Variants in FOXP2 observed in about 807,000 individuals in gnomAD.
FOXP2 encodes the protein forkhead box protein P2.
A neutral mutation model predicts 115.8 loss-of-function variants in FOXP2; 12 were observed. The ratio of observed to expected loss-of-function variants is 0.10; its 90% confidence interval spans 0.07 to 0.17. The LOEUF is 0.17. Ranked by LOEUF, FOXP2 falls within the 10% of genes least tolerant of loss-of-function variation. The probability of loss-of-function intolerance (pLI) is 1.00; values close to 1 mark genes in which losing one functional copy is unlikely to be tolerated. For missense variants in FOXP2, 629 were observed against 843.5 expected (o/e 0.75, Z 3.15); for synonymous variants, 328 against 297.7 (o/e 1.10, Z -1.05).
chr7:114,429,626 T>C (rs1283777188), intron 2 of FOXP2, among the ~76,000 whole-genome samples: 1 of 151,560 alleles, frequency 6.6e-6, no homozygotes, highest in Non-Finnish European at 1.5e-5. Flanking sequence ...TTGATTGCTT[T>C]ACAGGGTGGA....
At chr7:114,666,921 T>C (rs1807192297) in intron 16 of FOXP2, 1 of 152,216 alleles carries the variant, frequency 6.6e-6, no homozygotes, top group Non-Finnish European at 1.5e-5. Context: ...TCCTTGTGTC[T>C]CTCATAGTGC....
At chr7:114,526,172 TAAAAAAAAA>T (rs3028251) in intron 2 of FOXP2, among the ~76,000 whole-genome samples, 2 of 79,730 alleles carry the variant, frequency 2.5e-5, no homozygotes, top group Non-Finnish European at 4.3e-5. Context: ...GTTTCTTTAT[TAAAAAAAAA>T]AAAAAAAAAA....
chr7:114,304,874 A>T (rs1193281627), intron 2 of FOXP2, among the ~76,000 whole-genome samples: 1 of 152,230 alleles, frequency 6.6e-6, no homozygotes, highest in Non-Finnish European at 1.5e-5. Context: ...AAAGGCATTT[A>T]AGAATAGAAT....
intron 2 of FOXP2, among the ~76,000 whole-genome samples, chr7:114,505,934 C>A (rs964595819): frequency 5.3e-5 from 8 of 151,566 alleles, no homozygotes; most frequent in Non-Finnish European, 1.2e-4. Flanking sequence ...CGTACTGTTT[C>A]TTGAACATGT....
chr7:114,329,511 C>T (rs1475470591), intron 2 of FOXP2, among the ~76,000 whole-genome samples: 1 of 137,764 alleles, frequency 7.3e-6, no homozygotes, highest in Non-Finnish European at 1.5e-5. Flanking sequence ...AAGAGTGAAA[C>T]TCCATCTCGG....
intron 1 of FOXP2, among the ~76,000 whole-genome samples, chr7:114,193,883 C>T (rs1446266413): frequency 6.6e-6 from 1 of 152,022 alleles, no homozygotes; most frequent in Non-Finnish European, 1.5e-5. Context: ...TAGCTAAGGA[C>T]ATCAAAAGTA....
At chr7:114,225,177 G>C (rs1320855548) in intron 1 of FOXP2, among the ~76,000 whole-genome samples, 1 of 152,004 alleles carries the variant, frequency 6.6e-6, no homozygotes, top group East Asian at 1.9e-4. Flanking sequence ...TGAGTATTAA[G>C]GGGTGGGGTA....
intron 1 of FOXP2, among the ~76,000 whole-genome samples, chr7:114,143,147 C>CT (rs1792267999): frequency 7.2e-6 from 1 of 139,552 alleles, no homozygotes. Flanking sequence ...GACCCTGTCT[C>CT]AATAATAATA....
intron 2 of FOXP2, among the ~76,000 whole-genome samples, chr7:114,509,864 C>T (rs942330961): frequency 4.7e-5 from 7 of 150,422 alleles, no homozygotes; most frequent in Admixed American, 1.3e-4. Flanking sequence ...TGAGTAAGAC[C>T]ACCTGGTGAA....
intron 1 of FOXP2, among the ~76,000 whole-genome samples, chr7:114,107,533 G>A (rs1404281261): frequency 6.6e-6 from 1 of 151,874 alleles, no homozygotes; most frequent in Non-Finnish European, 1.5e-5. Flanking sequence ...TCAGTACTAG[G>A]TTGGATAATT....
intron 3 of FOXP2, among the ~76,000 whole-genome samples, chr7:114,576,199 A>C (rs1801566668): frequency 6.6e-6 from 1 of 151,992 alleles, no homozygotes; most frequent in Non-Finnish European, 1.5e-5. Context: ...CATCTGAAAC[A>C]GAATACAGGT....
chr7:114,294,194 T>C (rs1796679266), intron 2 of FOXP2, among the ~76,000 whole-genome samples: 1 of 152,188 alleles, frequency 6.6e-6, no homozygotes, highest in Admixed American at 6.5e-5. Context: ...ATCTTGCCCA[T>C]TGATCATATC....
chr7:114,172,168 T>C (rs1434620484), intron 1 of FOXP2, among the ~76,000 whole-genome samples: 1 of 152,198 alleles, frequency 6.6e-6, no homozygotes, highest in East Asian at 1.9e-4. Context: ...TCTACTACAG[T>C]ATAATGTACC....
chr7:114,373,832 G>T (rs1792074093), intron 2 of FOXP2, among the ~76,000 whole-genome samples: 1 of 152,214 alleles, frequency 6.6e-6, no homozygotes, highest in African/African-American at 2.4e-5. Context: ...CAGCATTTGA[G>T]AAAACTGAAG....
intron 3 of FOXP2, among the ~76,000 whole-genome samples, chr7:114,538,807 TG>T (rs1799517256): frequency 6.6e-6 from 1 of 151,862 alleles, no homozygotes; most frequent in Admixed American, 6.6e-5. Flanking sequence ...GCTTGGTTTT[TG>T]TTACAAAACA....
chr7:114,510,439 TAAG>T (rs1335945448), intron 2 of FOXP2, among the ~76,000 whole-genome samples: 1 of 152,184 alleles, frequency 6.6e-6, no homozygotes, highest in African/African-American at 2.4e-5. Flanking sequence ...AAAAATAGGA[TAAG>T]AAGAAGAATA....
intron 3 of FOXP2, among the ~76,000 whole-genome samples, chr7:114,592,855 G>A (rs1320460199): frequency 6.6e-6 from 1 of 151,918 alleles, no homozygotes; most frequent in Non-Finnish European, 1.5e-5. Context: ...CAAATAATGA[G>A]TTAGCACTCT....
At chr7:114,288,990 G>A (rs546746720) in intron 2 of FOXP2, among the ~76,000 whole-genome samples, 43 of 151,776 alleles carry the variant, frequency 2.8e-4, no homozygotes, top group African/African-American at 1.0e-3. Flanking sequence ...TAGGCCTCAG[G>A]ATCTTCACTT....
chr7:114,252,070 T>G (rs1156935465), intron 1 of FOXP2, among the ~76,000 whole-genome samples: 1 of 152,214 alleles, frequency 6.6e-6, no homozygotes, highest in Non-Finnish European at 1.5e-5. Flanking sequence ...TGCCTTTGGT[T>G]CTGTTTATAT....
Sources: gnomAD v4.1 joint callset for allele counts (sites outside exome capture counted in the v4.1 genomes callset) on GRCh38, gnomAD v4.1.1 for gene constraint, MANE v1.5 for transcripts, NCBI Gene and HGNC (gene_info 2026-07-23, HGNC 2026-07-21) for gene names.